PDE4D: variants seen among roughly 807,000 people sequenced by gnomAD.
PDE4D encodes the protein phosphodiesterase 4D, also known as 3',5'-cyclic-AMP phosphodiesterase 4D.
In PDE4D, 24 loss-of-function variants were observed where a neutral mutation model predicts 87.4. The observed-to-expected ratio is 0.27, with a 90% CI of 0.20 to 0.39. PDE4D has a LOEUF of 0.39. Ranked by LOEUF, PDE4D falls within the 10% of genes least tolerant of loss-of-function variation. The pLI is 1.00. For missense variants in PDE4D, 714 were observed against 1,041.0 expected (o/e 0.69, Z 4.32); for synonymous variants, 384 against 383.2 (o/e 1.00, Z -0.02).
chr5:60,443,678 T>A (rs1038886093), intron 1 of PDE4D, among the ~76,000 whole-genome samples: 1 of 152,046 alleles, frequency 6.6e-6, no homozygotes, highest in Admixed American at 6.6e-5. Context: ...CAAGTAATAA[T>A]AAGAACTAGC....
intron 1 of PDE4D, among the ~76,000 whole-genome samples, chr5:59,756,271 A>G (rs1761201419): frequency 6.6e-6 from 1 of 152,082 alleles, no homozygotes; most frequent in Admixed American, 6.6e-5. Context: ...ATTCTAAAAG[A>G]TAAGGATTAG....
rs1301646458 is a variant in PDE4D, at chr5:59,319,158, ATATGTGTG to A, written c.456-103198_456-103191del. Among the ~76,000 whole-genome samples the A allele has an allele frequency of 2.0e-3, 240 of 121,664 alleles. 1 individual carries two copies. Among genetic ancestry groups the A allele is most frequent in the South Asian group, 4.4e-3 (16 of 3,622 alleles). 79.8% of individuals were successfully genotyped at this position (121,664 alleles called of 152,430 possible). ...ATTTCAAATATGAGAGAGTACATAT[ATATGTGTG>A]TGTGTGTGTGTGTGTGTGTGTGTGT... On this transcript the variant is annotated intron_variant, in intron 1 of 14. Transcript: ENST00000340635.
At chr5:59,064,306 A>G (rs1763569485) in intron 5 of PDE4D, among the ~76,000 whole-genome samples, 1 of 152,270 alleles carries the variant, frequency 6.6e-6, no homozygotes, top group Non-Finnish European at 1.5e-5. Flanking sequence ...TATTTTTTAA[A>G]TCAACTAGCA....
intron 3 of PDE4D, among the ~76,000 whole-genome samples, chr5:59,946,823 G>A (rs1351517834): frequency 1.3e-5 from 2 of 152,130 alleles, no homozygotes; most frequent in Admixed American, 6.5e-5. Flanking sequence ...TACCCATCCT[G>A]AAGGGCCAGT....
chr5:59,017,497 A>G (rs1432861125), intron 6 of PDE4D, among the ~76,000 whole-genome samples: 1 of 152,158 alleles, frequency 6.6e-6, no homozygotes, highest in Non-Finnish European at 1.5e-5. Context: ...TAAATACATG[A>G]AGTTTTGGAT....
intron 1 of PDE4D, among the ~76,000 whole-genome samples, chr5:59,323,347 A>C (rs1775058124): frequency 1.3e-5 from 2 of 152,060 alleles, no homozygotes; most frequent in Non-Finnish European, 2.9e-5. Context: ...TAGTACCCCT[A>C]GTATTGTTCT....
chr5:59,360,449 T>C (rs928300848), intron 1 of PDE4D, among the ~76,000 whole-genome samples: 2 of 152,136 alleles, frequency 1.3e-5, no homozygotes, highest in Admixed American at 1.3e-4. Flanking sequence ...CAGACTGTTA[T>C]TTACCATCTA....
chr5:59,666,014 G>A (rs1746019232), intron 1 of PDE4D, among the ~76,000 whole-genome samples: 1 of 152,192 alleles, frequency 6.6e-6, no homozygotes. Flanking sequence ...AGGCTGGAGT[G>A]CAGTGGGACA....
intron 1 of PDE4D, among the ~76,000 whole-genome samples, chr5:59,789,102 T>C (rs1765499057): frequency 1.3e-5 from 2 of 152,204 alleles, no homozygotes; most frequent in Non-Finnish European, 2.9e-5. Flanking sequence ...ACAGAGATAC[T>C]GATGAATTCA....
chr5:59,690,299 C>T (rs533207029), intron 1 of PDE4D, among the ~76,000 whole-genome samples: 213 of 152,228 alleles, frequency 1.4e-3, no homozygotes, highest in African/African-American at 4.6e-3. Context: ...GGAGGCATCA[C>T]GCTGCCTGAC....
At chr5:60,000,284 A>G (rs1275728177) in intron 2 of PDE4D, among the ~76,000 whole-genome samples, 1 of 152,210 alleles carries the variant, frequency 6.6e-6, no homozygotes, top group Non-Finnish European at 1.5e-5. Flanking sequence ...AACATAAATT[A>G]TAATCAAACT....
intron 1 of PDE4D, among the ~76,000 whole-genome samples, chr5:59,889,426 A>T (rs1386324267): frequency 2.0e-5 from 3 of 151,832 alleles, no homozygotes; most frequent in African/African-American, 4.8e-5. Context: ...GGCTACAGTG[A>T]GCTATGATTG....
At chr5:60,238,863 T>G (rs1428738070) in intron 1 of PDE4D, among the ~76,000 whole-genome samples, 1 of 152,038 alleles carries the variant, frequency 6.6e-6, no homozygotes, top group Non-Finnish European at 1.5e-5. Context: ...CCTATTATTA[T>G]TTTTCTTTAT....
intron 1 of PDE4D, among the ~76,000 whole-genome samples, chr5:59,777,562 G>A (rs1441709716): frequency 2.0e-5 from 3 of 152,104 alleles, no homozygotes; most frequent in South Asian, 2.1e-4. Flanking sequence ...GGTGAGGCTC[G>A]AGCTCCTGAA....
chr5:60,316,915 T>A (rs112459933), intron 1 of PDE4D, among the ~76,000 whole-genome samples: 3 of 152,058 alleles, frequency 2.0e-5, no homozygotes, highest in African/African-American at 7.3e-5. Flanking sequence ...ATTTTTGCAT[T>A]GATGTTCATT....
chr5:60,175,717 G>A (rs908373504), intron 2 of PDE4D, among the ~76,000 whole-genome samples: 1 of 152,038 alleles, frequency 6.6e-6, no homozygotes, highest in African/African-American at 2.4e-5. Flanking sequence ...TTGTTAGGCT[G>A]TTGGTAGCAG....
At chr5:59,918,117 A>G (rs1754275024) in intron 3 of PDE4D, among the ~76,000 whole-genome samples, 1 of 152,102 alleles carries the variant, frequency 6.6e-6, no homozygotes, top group Non-Finnish European at 1.5e-5. Context: ...ATAAAAATAT[A>G]TAACCATCAT....
chr5:59,279,565 C>A (rs1332952545), intron 1 of PDE4D, among the ~76,000 whole-genome samples: 1 of 151,986 alleles, frequency 6.6e-6, no homozygotes, highest in Admixed American at 6.6e-5. Context: ...GATTTCCTAC[C>A]TCTTTCATAA....
At chr5:59,385,007 T>C (rs1313522318) in intron 1 of PDE4D, among the ~76,000 whole-genome samples, 1 of 152,206 alleles carries the variant, frequency 6.6e-6, no homozygotes, top group Non-Finnish European at 1.5e-5. Flanking sequence ...TAGTAGTTAA[T>C]AATTGCTTTG....
Sources: allele counts gnomAD v4.1 joint callset (sites outside exome capture counted in the v4.1 genomes callset), GRCh38; gene constraint gnomAD v4.1.1; transcripts MANE v1.5; gene names NCBI Gene and HGNC (gene_info 2026-07-23, HGNC 2026-07-21).